The following RALGAPA1 variants were observed in gnomAD, a reference collection of about 807,000 sequenced individuals.
RALGAPA1 encodes the protein ral GTPase-activating protein subunit alpha-1.
A neutral mutation model predicts 269.6 loss-of-function variants in RALGAPA1; 52 were observed. That is an observed-to-expected ratio of 0.19 (90% CI 0.15 to 0.24). The LOEUF (loss-of-function observed/expected upper bound fraction) is 0.24. Ranked by LOEUF, RALGAPA1 falls within the 10% of genes least tolerant of loss-of-function variation. The probability of loss-of-function intolerance (pLI) is 1.00; values close to 1 mark genes in which losing one functional copy is unlikely to be tolerated. For synonymous variants in RALGAPA1, 817 were observed against 1,008.3 expected, an observed-to-expected ratio of 0.81 and a Z score of 3.60; for missense variants, 1,917 against 3,013.9, an observed-to-expected ratio of 0.64 and a Z score of 8.52.
chr14:35,651,472 G>T (rs1347222946), intron 31 of RALGAPA1, among the ~76,000 whole-genome samples: 1 of 152,048 alleles, frequency 6.6e-6, no homozygotes, highest in Non-Finnish European at 1.5e-5. Context: ...AAAAACAAGT[G>T]GCTGCCTTTA....
At chr14:35,612,872 C>A (rs1458456347) in intron 35 of RALGAPA1, among the ~76,000 whole-genome samples, 1 of 151,752 alleles carries the variant, frequency 6.6e-6, no homozygotes, top group Non-Finnish European at 1.5e-5. Flanking sequence ...CACAAAAACA[C>A]AAGTGACAAA....
chr14:35,690,056 A>T (rs1204269334), intron 17 of RALGAPA1, 53 bp from the exon 18 acceptor site: 1 of 1,280,164 alleles, frequency 7.8e-7, no homozygotes, highest in Non-Finnish European at 1.1e-6. Flanking sequence ...TATAAAAAAT[A>T]ATTATTAATT....
At chr14:35,782,872 A>C (rs1194079731) in intron 1 of RALGAPA1, among the ~76,000 whole-genome samples, 1 of 152,074 alleles carries the variant, frequency 6.6e-6, no homozygotes, top group Admixed American at 6.6e-5. Context: ...CCTAGGCTGG[A>C]ATGCAGTGGT....
chr14:35,703,764 G>A (rs2067562777), intron 16 of RALGAPA1, among the ~76,000 whole-genome samples: 5 of 151,896 alleles, frequency 3.3e-5, no homozygotes, highest in Admixed American at 3.3e-4. Flanking sequence ...ATGCTTAATG[G>A]GCAGTATGAA....
At chr14:35,711,397 CT>C (rs1268046434) in intron 16 of RALGAPA1, among the ~76,000 whole-genome samples, 1 of 151,982 alleles carries the variant, frequency 6.6e-6, no homozygotes, top group African/African-American at 2.4e-5. Context: ...TTAAAAAAAC[CT>C]TTTTTAGTGG....
chr14:35,690,124 G>GAA, intron 17 of RALGAPA1, 121 bp from the exon 18 acceptor site: 1 of 669,076 alleles, frequency 1.5e-6, no homozygotes. Context: ...TAAGCTCAAT[G>GAA]AAAAAAAAAT....
chr14:35,661,550 C>A lies in RALGAPA1; in HGVS notation c.5329-2354G>T, dbSNP rs181343466. Among the ~76,000 whole-genome samples the A allele has an allele frequency of 6.2e-4, 95 of 152,214 alleles. 1 individual carries two copies. Among genetic ancestry groups the A allele is most frequent in the African/African-American group, 2.1e-3 (89 of 41,570 alleles). On this transcript the variant is annotated intron_variant, in intron 27 of 41. Transcript: ENST00000680220. Reference sequence around the variant, plus strand: ...AGAGACATTCAGAAAAGGACAGAAACATCAACAGGGTCAAATATTATAATG... The same window carrying A: ...AGAGACATTCAGAAAAGGACAGAAAAATCAACAGGGTCAAATATTATAATG...
chr14:35,752,287 G>C (rs1274887474), intron 7 of RALGAPA1, 125 bp from the exon 8 acceptor site: 1 of 1,081,270 alleles, frequency 9.2e-7, no homozygotes, highest in Non-Finnish European at 1.2e-6. Context: ...TAAAGATCAT[G>C]ATACATAGCA....
intron 31 of RALGAPA1, among the ~76,000 whole-genome samples, chr14:35,645,325 T>G (rs943720486): frequency 4.1e-5 from 6 of 146,104 alleles, no homozygotes; most frequent in Non-Finnish European, 7.4e-5. Context: ...AAACATTCAG[T>G]CTATAGCAGA....
rs1316710303 is a variant in RALGAPA1 at position 35,627,292 on chromosome 14, T to C, written c.6655A>G (p.Ile2219Val). ...ACATCATTTTCTTGTTTTTCAGAAA[T>C]GCACACAGGTTGTGGAGCAGGAATA... ...LNIPAPQPVCISEKQENDVIN... is the reference protein window; with the variant it reads ...LNIPAPQPVCVSEKQENDVIN... The change falls in exon 34 of 42, where the codon ATT becomes GTT. Residue 2219 changes from isoleucine (I) to valine (V), a missense_variant. Ile to Val is a conservative substitution (Grantham distance 29). This residue lies in a region of RALGAPA1 where 132 missense variants were observed against 271.2 expected (regional missense o/e 0.49). Transcript: ENST00000680220. 5.0e-6 allele frequency: 8 copies of C among 1,608,844 alleles called. No homozygotes were observed. The East Asian group carries it at 1.3e-4, about 27-fold the overall frequency.
intron 39 of RALGAPA1, among the ~76,000 whole-genome samples, chr14:35,554,528 A>T (rs571471128): frequency 5.0e-4 from 75 of 150,450 alleles, no homozygotes; most frequent in Non-Finnish European, 1.0e-3. Flanking sequence ...TTGTATTTTT[A>T]GTAGAGACGG....
chr14:35,717,605 G>A (rs773548163), intron 16 of RALGAPA1, among the ~76,000 whole-genome samples: 5 of 151,840 alleles, frequency 3.3e-5, no homozygotes, highest in Non-Finnish European at 5.9e-5. Context: ...TCTGCCTAGT[G>A]CAGTGGTACA....
intron 17 of RALGAPA1, among the ~76,000 whole-genome samples, chr14:35,697,753 G>C (rs549606803): frequency 6.6e-6 from 1 of 152,050 alleles, no homozygotes; most frequent in South Asian, 2.1e-4. Context: ...GCATCTCCTG[G>C]AAAGTGTTCT....
chr14:35,576,900 G>T (rs796823606), intron 37 of RALGAPA1, among the ~76,000 whole-genome samples: 4 of 152,260 alleles, frequency 2.6e-5, no homozygotes, highest in African/African-American at 9.6e-5. Flanking sequence ...CTATGAATAT[G>T]ATTATACAAT....
At chr14:35,665,848 T>C (rs982328359) in intron 26 of RALGAPA1, among the ~76,000 whole-genome samples, 1 of 152,136 alleles carries the variant, frequency 6.6e-6, no homozygotes, top group Non-Finnish European at 1.5e-5. Context: ...GTGCACATAA[T>C]GGGAGCAGAC....
intron 31 of RALGAPA1, 138 bp downstream of exon 31, chr14:35,651,667 A>G (rs1025532991): frequency 3.0e-6 from 2 of 657,330 alleles, no homozygotes; most frequent in Non-Finnish European, 4.5e-6. Context: ...CTTAAATAAC[A>G]GAAAGGCATT....
chr14:35,639,576 T>C (rs1327490729), intron 31 of RALGAPA1, among the ~76,000 whole-genome samples: 1 of 152,210 alleles, frequency 6.6e-6, no homozygotes, highest in Non-Finnish European at 1.5e-5. Flanking sequence ...GTATCTTCTC[T>C]GACCCCAATG....
chr14:35,781,051 A>C (rs761971009), intron 1 of RALGAPA1, among the ~76,000 whole-genome samples: 230 of 152,158 alleles, frequency 1.5e-3, no homozygotes, highest in Non-Finnish European at 2.2e-3. Flanking sequence ...GAGACCCCCC[A>C]AAAAAAATCA....
intron 27 of RALGAPA1, among the ~76,000 whole-genome samples, chr14:35,662,962 GCT>G (rs1164502718): frequency 6.6e-6 from 1 of 151,400 alleles, no homozygotes; most frequent in Non-Finnish European, 1.5e-5. Context: ...ACAAGGTCTT[GCT>G]CTGTCACGCA....
Sources: allele counts gnomAD v4.1 joint callset (sites outside exome capture counted in the v4.1 genomes callset), GRCh38; gene constraint gnomAD v4.1.1; regional missense constraint gnomAD v4.1.1; transcripts MANE v1.5; gene names NCBI Gene and HGNC (gene_info 2026-07-23, HGNC 2026-07-21).